Variants in THRA observed in about 807,000 individuals in gnomAD.
THRA encodes thyroid hormone receptor alpha, also known as EAR-7.
In THRA, 13 loss-of-function variants were observed where a neutral mutation model predicts 45.0. That is an observed-to-expected ratio of 0.29 (90% CI 0.19 to 0.46). The LOEUF (loss-of-function observed/expected upper bound fraction) is 0.46. THRA is among the 20% of genes least tolerant of loss of function. The pLI is 1.00. For missense variants in THRA, 278 were observed against 556.1 expected, an observed-to-expected ratio of 0.50 and a Z score of 5.03; for synonymous variants, 195 against 214.0, an observed-to-expected ratio of 0.91 and a Z score of 0.78.
chr17:40,071,936 G>A (rs957960942), intron 1 of THRA, among the ~76,000 whole-genome samples: 1 of 152,142 alleles, frequency 6.6e-6, no homozygotes, highest in Admixed American at 6.5e-5. Context: ...AGCAAGGGCA[G>A]CACCTTGCTC....
chr17:40,070,538 G>A (rs1480969510), intron 1 of THRA, among the ~76,000 whole-genome samples: 1 of 152,160 alleles, frequency 6.6e-6, no homozygotes, highest in Non-Finnish European at 1.5e-5. Context: ...GTGTTGGCAT[G>A]GGGGGCAGTG....
intron 4 of THRA, 64 bp downstream of exon 4, chr17:40,077,672 C>T (rs1986999150): frequency 3.0e-6 from 4 of 1,313,820 alleles, no homozygotes; most frequent in Non-Finnish European, 4.3e-6. Context: ...CCTATGTCAC[C>T]TAAAGCCCGC....
chr17:40,086,978 C>T, intron 7 of THRA, 125 bp downstream of exon 7: 2 of 1,309,900 alleles, frequency 1.5e-6, no homozygotes, highest in South Asian at 2.7e-5. Context: ...TCAACATACA[C>T]AGATAACATA....
intron 4 of THRA, 57 bp downstream of exon 4, chr17:40,077,665 A>G (rs776583842): frequency 2.3e-4 from 326 of 1,391,680 alleles, no homozygotes; most frequent in Non-Finnish European, 3.0e-4. Context: ...ATTACTCCCT[A>G]TGTCACCTAA....
Position 40,091,231 on chromosome 17 carries a change from TACACACACAC to T in THRA, c.*1806_*1815del, listed in dbSNP as rs71152640. On this transcript the variant is annotated 3_prime_UTR_variant, in exon 9 of 9. Transcript: ENST00000450525. The stretch of plus-strand genomic sequence containing the variant: ...TGACCCTCAGCCTGCCACAGCCCCC[TACACACACAC>T]ACACACACACACACACACACACACA... 0.012 allele frequency: 1,763 copies of T among 142,352 alleles called. 34 individuals are homozygous for T. The highest frequency in any genetic ancestry group is 0.036 in the African/African-American group (1,361 of 38,112). The allele number at this position is 142,352 out of a possible 1,614,324, so 8.8% of individuals were successfully genotyped here.
chr17:40,081,975 A>G (rs1987151900), intron 4 of THRA, among the ~76,000 whole-genome samples: 1 of 152,036 alleles, frequency 6.6e-6, no homozygotes, highest in Non-Finnish European at 1.5e-5. Context: ...AAAGAAAAAA[A>G]AAATTAAATT....
At chr17:40,088,946 C>G (rs1316441793) in intron 8 of THRA, among the ~76,000 whole-genome samples, 1 of 149,024 alleles carries the variant, frequency 6.7e-6, no homozygotes, top group Non-Finnish European at 1.5e-5. Flanking sequence ...TCTCCCCCAG[C>G]CCCCGGCCTG....
At chr17:40,084,058 C>T in intron 5 of THRA, 76 bp downstream of exon 5, 2 of 1,501,678 alleles carry the variant, frequency 1.3e-6, no homozygotes, top group Non-Finnish European at 1.8e-6. Context: ...AGCTTCCTTC[C>T]AGGGTACCCT....
chr17:40,089,091 CCT>C lies in THRA; in HGVS notation c.983-110_983-109del. On this transcript the variant is annotated intron_variant, in intron 8 of 8. Transcript: ENST00000450525. The surrounding 1 kb of genome is among the most constrained non-coding windows in gnomAD (Gnocchi z 6.1). Reference sequence around the variant, plus strand: ...GAGCTTCTCCCCTCCCCTCCCCCAGCCTCTCTGCCTCTATCTCCCCTCTAGTC... The same window carrying C: ...GAGCTTCTCCCCTCCCCTCCCCCAGCCTCTGCCTCTATCTCCCCTCTAGTC... 3.0e-6 allele frequency: 3 copies of C among 999,304 alleles called. No individual in the cohort carries two copies. The highest frequency in any genetic ancestry group is 4.4e-6 in the Non-Finnish European group (3 of 676,498). 61.9% of individuals were successfully genotyped at this position (999,304 alleles called of 1,614,324 possible).
At chr17:40,066,171 A>C (rs1598386685) in intron 1 of THRA, among the ~76,000 whole-genome samples, 1 of 152,120 alleles carries the variant, frequency 6.6e-6, no homozygotes, top group Non-Finnish European at 1.5e-5. Flanking sequence ...TAGAAGGGGT[A>C]CCTCTTCTGG....
chr17:40,077,420 A>C lies in THRA; in HGVS notation c.122-88A>C, dbSNP rs1243984536. On this transcript the variant is annotated intron_variant, in intron 3 of 8. Coordinates refer to ENST00000450525, the MANE Select transcript of THRA (RefSeq NM_199334.5). Reference sequence around the variant, plus strand: ...GGGCTAGGAGAGGGGTCAGAAACAAAAAGTTGAGGGATGGGGAAAAGTGTG... The same window carrying C: ...GGGCTAGGAGAGGGGTCAGAAACAACAAGTTGAGGGATGGGGAAAAGTGTG... 21 of 1,268,008 alleles carry C rather than the reference A, an allele frequency of 1.7e-5. No homozygotes were observed. The East Asian group carries it at 4.9e-4, about 30-fold the overall frequency. The allele number at this position is 1,268,008 out of a possible 1,614,324, so 78.5% of individuals were successfully genotyped here.
At chr17:40,067,756 G>A (rs539141847) in intron 1 of THRA, among the ~76,000 whole-genome samples, 1 of 152,334 alleles carries the variant, frequency 6.6e-6, no homozygotes, top group East Asian at 1.9e-4. Flanking sequence ...AGTGGCTCAT[G>A]CCTGTAATCT....
At chr17:40,064,678 C>T (rs1986489494) in intron 1 of THRA, among the ~76,000 whole-genome samples, 1 of 152,168 alleles carries the variant, frequency 6.6e-6, no homozygotes, top group Non-Finnish European at 1.5e-5. Flanking sequence ...GCTTGAGATA[C>T]CACCCTACTA....
chr17:40,087,224 G>GAC (rs752676931), intron 7 of THRA, among the ~76,000 whole-genome samples: 1 of 92,684 alleles, frequency 1.1e-5, no homozygotes. Context: ...CACACACACA[G>GAC]ACACACACCC....
At chr17:40,086,613 A>T in intron 6 of THRA, 94 bp from the exon 7 acceptor site, 2 of 1,510,856 alleles carry the variant, frequency 1.3e-6, no homozygotes, top group Non-Finnish European at 1.8e-6. Context: ...CCTCTTCCCC[A>T]AGCTGCCTTG....
In THRA at chr17:40,089,913, A is replaced by C; in HGVS notation, c.*457A>C. On this transcript the variant is annotated 3_prime_UTR_variant, in exon 9 of 9. Transcript: ENST00000450525. The surrounding 1 kb of genome is among the most constrained non-coding windows in gnomAD (Gnocchi z 6.1). ...GCTGAGGGCCTCTCTACTTCCCCAG[A>C]TGCCTGGGTGCAAAGAACGGCTTGG... 1 of 995,728 alleles carries C rather than the reference A, an allele frequency of 1.0e-6. No homozygotes were observed. The highest frequency in any genetic ancestry group is 1.2e-6 in the Non-Finnish European group (1 of 836,260). The allele number at this position is 995,728 out of a possible 1,614,324, so 61.7% of individuals were successfully genotyped here.
Position 40,074,242 on chromosome 17 carries a change from C to G in THRA, c.-247C>G. On this transcript the variant is annotated 5_prime_UTR_variant, in exon 2 of 9. Transcript: ENST00000450525. ...GAAGCTACTCCCCCAGCACACAGCC[C>G]GGGACCCACAAACCCAGCTTGCCCC... 1 of 546,234 alleles carries G rather than the reference C, an allele frequency of 1.8e-6. No individual in the cohort carries two copies. Among genetic ancestry groups the G allele is most frequent in the Non-Finnish European group, 3.3e-6 (1 of 302,022 alleles). 33.8% of individuals were successfully genotyped at this position (546,234 alleles called of 1,614,324 possible). A position where few individuals can be genotyped will look rare whatever the true frequency, so the allele number is the denominator to read the frequency against.
intron 4 of THRA, among the ~76,000 whole-genome samples, chr17:40,082,758 CT>C (rs920725279): frequency 5.9e-4 from 40 of 67,522 alleles, no homozygotes; most frequent in South Asian, 2.3e-3. Flanking sequence ...GAATCGCATG[CT>C]TTTTTTTTTT....
At chr17:40,070,633 C>T (rs561932092) in intron 1 of THRA, among the ~76,000 whole-genome samples, 2 of 152,282 alleles carry the variant, frequency 1.3e-5, no homozygotes, top group South Asian at 4.1e-4. Context: ...ATCGCCCTTC[C>T]TGGCTCCCAT....
Sources: allele counts gnomAD v4.1 joint callset (sites outside exome capture counted in the v4.1 genomes callset), GRCh38; gene constraint gnomAD v4.1.1; non-coding constraint Gnocchi (gnomAD v3.1); transcripts MANE v1.5; gene names NCBI Gene and HGNC (gene_info 2026-07-23, HGNC 2026-07-21).